ZNF33A: variants seen among roughly 807,000 people sequenced by gnomAD.
The protein encoded by ZNF33A is zinc finger protein 33A, also known as brain my041 protein.
A neutral mutation model predicts 15.9 loss-of-function variants in ZNF33A; 9 were observed. The observed-to-expected ratio is 0.57, with a 90% CI of 0.34 to 0.99. The LOEUF (loss-of-function observed/expected upper bound fraction) is 0.99. Ranked by LOEUF, ZNF33A falls within the 50% of genes least tolerant of loss-of-function variation. The pLI is 0.02. For missense variants in ZNF33A, 843 were observed against 941.6 expected, an observed-to-expected ratio of 0.90 and a Z score of 1.37; for synonymous variants, 294 against 324.2, an observed-to-expected ratio of 0.91 and a Z score of 1.00.
At chr10:38,038,084 G>A (rs2065531739) in intron 4 of ZNF33A, among the ~76,000 whole-genome samples, 1 of 152,040 alleles carries the variant, frequency 6.6e-6, no homozygotes, top group Non-Finnish European at 1.5e-5. Flanking sequence ...CTTGATTAAA[G>A]TTATAAGTAT....
At chr10:38,035,111 C>CTT (rs71007683) in intron 4 of ZNF33A, among the ~76,000 whole-genome samples, 17,973 of 85,426 alleles carry the variant, frequency 0.21, 3,075 homozygotes, top group East Asian at 0.35. Flanking sequence ...CATTTACTTT[C>CTT]TTTTTTTTTT....
At position 38,054,399 on chromosome 10, in the gene ZNF33A, AAG is replaced by A. The variant is rs1422875018; in HGVS notation, c.280_281del (p.Arg94GlufsTer7). On this transcript the variant is annotated frameshift_variant, in exon 5 of 5. Transcript: ENST00000432900. LOFTEE classifies it high-confidence loss of function. The stretch of plus-strand genomic sequence containing the variant: ...GAAGTCTGGACAGCTGATCACCTGA[AAG>A]AGAGGAGCCAAGAAAACCAATCTAA... 2 of 1,580,974 alleles carry A rather than the reference AAG, an allele frequency of 1.3e-6. No homozygotes were observed. Among genetic ancestry groups the A allele is most frequent in the East Asian group, 4.5e-5 (2 of 44,676 alleles).
downstream of ZNF33A, among the ~76,000 whole-genome samples, chr10:38,062,392 ACT>A (rs1433910921): frequency 1.3e-4 from 20 of 152,022 alleles, no homozygotes; most frequent in African/African-American, 4.3e-4. Flanking sequence ...GCCATGCTAC[ACT>A]CTCATCTCTG....
At position 38,059,023 on chromosome 10, in the gene ZNF33A, A is replaced by G. The variant is rs1344959677; in HGVS notation, c.*2463A>G. 2 of 152,256 alleles carry G rather than the reference A, an allele frequency of 1.3e-5. No individual in the cohort carries two copies. The highest frequency in any genetic ancestry group is 1.3e-4 in the Admixed American group (2 of 15,286). The allele number at this position is 152,256 out of a possible 1,614,324, so 9.4% of individuals were successfully genotyped here. ...ATTGAACACAGATGCAGAAATCCTC[A>G]AAATATTAGCAAATCAGGAATGCAA... is the stretch of plus-strand genomic sequence containing the variant. On this transcript the variant is annotated 3_prime_UTR_variant, in exon 5 of 5. Coordinates refer to ENST00000432900, the MANE Select transcript of ZNF33A (RefSeq NM_006954.2).
At chr10:38,053,112 GC>G (rs1346973855) in intron 4 of ZNF33A, among the ~76,000 whole-genome samples, 2 of 151,706 alleles carry the variant, frequency 1.3e-5, no homozygotes, top group Non-Finnish European at 2.9e-5. Context: ...CCTTTGCAAT[GC>G]TGTTTATTCA....
At chr10:38,015,435 C>T (rs1414929991) in intron 2 of ZNF33A, among the ~76,000 whole-genome samples, 2 of 152,050 alleles carry the variant, frequency 1.3e-5, no homozygotes, top group African/African-American at 4.8e-5. Flanking sequence ...CCTGGTGTCT[C>T]AGCGGGTGTC....
chr10:38,066,745 G>A (rs2066713212), downstream of ZNF33A, among the ~76,000 whole-genome samples: 2 of 151,992 alleles, frequency 1.3e-5, no homozygotes, highest in African/African-American at 2.4e-5. Context: ...GACCAGCCTG[G>A]CTAACATGGC....
At chr10:38,062,989 C>G (rs7091319), downstream of ZNF33A, among the ~76,000 whole-genome samples, 1 of 113,474 alleles carries the variant, frequency 8.8e-6, no homozygotes, top group African/African-American at 3.6e-5. Context: ...GACGACAGAG[C>G]GAGACTCCAT....
At chr10:38,047,088 G>A (rs1456861430) in intron 4 of ZNF33A, among the ~76,000 whole-genome samples, 2 of 145,016 alleles carry the variant, frequency 1.4e-5, no homozygotes, top group East Asian at 2.1e-4. Context: ...GCTGAGGTGG[G>A]AAGATCACTT....
chr10:38,052,976 CTAT>C (rs1238643224), intron 4 of ZNF33A, among the ~76,000 whole-genome samples: 21 of 151,376 alleles, frequency 1.4e-4, no homozygotes, highest in Non-Finnish European at 2.4e-4. Flanking sequence ...AACATATATA[CTAT>C]ATTATAATTT....
chr10:38,010,991 G>C, intron 1 of ZNF33A, among the ~76,000 whole-genome samples: 1 of 152,212 alleles, frequency 6.6e-6, no homozygotes, highest in Non-Finnish European at 1.5e-5. Context: ...TACGCAGCGT[G>C]TGTCGCCCCA....
At chr10:38,036,045 A>T in intron 4 of ZNF33A, among the ~76,000 whole-genome samples, 1 of 152,216 alleles carries the variant, frequency 6.6e-6, no homozygotes, top group Non-Finnish European at 1.5e-5. Context: ...ACCACACACT[A>T]ATATCCCTCA....
chr10:38,063,680 AAG>A (rs1318064874), downstream of ZNF33A, among the ~76,000 whole-genome samples: 25 of 152,326 alleles, frequency 1.6e-4, no homozygotes, highest in African/African-American at 6.0e-4. Context: ...CTCCTCTGGT[AAG>A]AGCTAAGATG....
chr10:38,065,502 C>G (rs535543454), downstream of ZNF33A, among the ~76,000 whole-genome samples: 2 of 152,222 alleles, frequency 1.3e-5, no homozygotes, highest in East Asian at 1.9e-4. Flanking sequence ...AAAACTGTTA[C>G]ATCTGTTCTC....
chr10:38,012,425 GTTTTTTT>G (rs10716292), intron 2 of ZNF33A, 75 bp downstream of exon 2: 136 of 527,810 alleles, frequency 2.6e-4, no homozygotes, highest in Middle Eastern at 1.3e-3. Flanking sequence ...TATGGTGTTT[GTTTTTTT>G]TTTTTTTTTT....
chr10:38,043,950 T>C (rs1230271169), intron 4 of ZNF33A: 1 of 152,096 alleles, frequency 6.6e-6, no homozygotes, highest in Non-Finnish European at 1.5e-5. Flanking sequence ...GTTCCAGTTT[T>C]AGTATATGTG....
intron 4 of ZNF33A, among the ~76,000 whole-genome samples, chr10:38,041,918 A>T (rs1407802994): frequency 3.9e-5 from 6 of 152,016 alleles, no homozygotes; most frequent in Admixed American, 3.3e-4. Context: ...TTACATAGGT[A>T]TATGTGTTCC....
chr10:38,057,379 A>G lies in ZNF33A; in HGVS notation c.*819A>G. 5.1e-6 allele frequency: 5 copies of G among 985,454 alleles called. No individual in the cohort carries two copies. The highest frequency in any genetic ancestry group is 6.0e-6 in the Non-Finnish European group (5 of 829,936). 61.0% of individuals were successfully genotyped at this position (985,454 alleles called of 1,614,324 possible). On this transcript the variant is annotated 3_prime_UTR_variant, in exon 5 of 5. Transcript: ENST00000432900. The stretch of plus-strand genomic sequence containing the variant: ...TAAATTGAATAATCAGGGCAATAGC[A>G]TTAAGCACATCTGCGAATTATCCCT...
chr10:38,012,109 T>A (rs938463822), intron 1 of ZNF33A, among the ~76,000 whole-genome samples, 189 bp from the exon 2 acceptor site: 3 of 152,224 alleles, frequency 2.0e-5, no homozygotes, highest in African/African-American at 4.8e-5. Context: ...TTTCACCATT[T>A]CTACCGCCTA....
Sources: gnomAD v4.1 joint callset for allele counts (sites outside exome capture counted in the v4.1 genomes callset) on GRCh38, gnomAD v4.1.1 for gene constraint, MANE v1.5 for transcripts, NCBI Gene and HGNC (gene_info 2026-07-23, HGNC 2026-07-21) for gene names.